Variants in DUSP13B observed in about 807,000 individuals in gnomAD.
The protein encoded by DUSP13B is dual specificity protein phosphatase 13B.
At chr10:75,100,741 G>C in the DUSP13B span, among the ~76,000 whole-genome samples, 1 of 152,228 alleles carries the variant, frequency 6.6e-6, no homozygotes, top group Non-Finnish European at 1.5e-5. Context: ...GGCTGCTCCT[G>C]TGCTGCTGCT....
At chr10:75,097,490 G>A in the DUSP13B span, among the ~76,000 whole-genome samples, 16 of 152,194 alleles carry the variant, frequency 1.1e-4, no homozygotes, top group Non-Finnish European at 2.9e-5. Flanking sequence ...GATTACAGGC[G>A]TGAGCCACCG....
the DUSP13B span, chr10:75,101,795 G>A: frequency 4.5e-6 from 4 of 880,730 alleles, no homozygotes; most frequent in Non-Finnish European, 5.1e-6. Flanking sequence ...AGGCACAAGT[G>A]TCCTGGCCCT....
the DUSP13B span, among the ~76,000 whole-genome samples, chr10:75,096,828 G>A: frequency 6.6e-6 from 1 of 152,122 alleles, no homozygotes; most frequent in Non-Finnish European, 1.5e-5. Flanking sequence ...CAATTCAAAT[G>A]TCCATATTCA....
chr10:75,095,193 A>G, the DUSP13B span, among the ~76,000 whole-genome samples: 1 of 152,096 alleles, frequency 6.6e-6, no homozygotes, highest in South Asian at 2.1e-4. Context: ...ATCAGATTAT[A>G]GGGGGTGTCC....
the DUSP13B span, chr10:75,097,640 G>A: frequency 1.4e-6 from 2 of 1,414,364 alleles, no homozygotes. Flanking sequence ...TCTGAGAGAG[G>A]CTCATGCCCC....
the DUSP13B span, among the ~76,000 whole-genome samples, chr10:75,105,208 G>A: frequency 5.3e-5 from 8 of 152,306 alleles, no homozygotes; most frequent in South Asian, 6.2e-4. Context: ...GACCTAGGGG[G>A]AAGGGGATGT....
the DUSP13B span, among the ~76,000 whole-genome samples, chr10:75,101,200 G>A: frequency 6.6e-6 from 1 of 152,190 alleles, no homozygotes; most frequent in South Asian, 2.1e-4. Flanking sequence ...GAAATCTCAG[G>A]TCTGGTACTT....
At chr10:75,103,895 T>C in the DUSP13B span, 1 of 1,307,956 alleles carries the variant, frequency 7.6e-7, no homozygotes, top group Non-Finnish European at 1.0e-6. Context: ...CACTCCCACC[T>C]GTGGAGACTG....
At chr10:75,097,712 G>A in the DUSP13B span, 75 of 1,566,020 alleles carry the variant, frequency 4.8e-5, no homozygotes, top group Admixed American at 1.1e-4. Context: ...TCTTACTCAC[G>A]CATCTCCCAG....
the DUSP13B span, chr10:75,094,502 T>C: frequency 4.8e-6 from 3 of 628,630 alleles, no homozygotes; most frequent in Admixed American, 3.0e-5. Context: ...AATCTCTGAA[T>C]TGGGTCAGGG....
chr10:75,107,063 C>T, the DUSP13B span, among the ~76,000 whole-genome samples: 16 of 152,198 alleles, frequency 1.1e-4, no homozygotes, highest in African/African-American at 3.1e-4. Flanking sequence ...GGGCCGGGTG[C>T]GGTGGCTCAT....
At chr10:75,099,508 G>T in the DUSP13B span, 9 of 1,231,842 alleles carry the variant, frequency 7.3e-6, no homozygotes, top group South Asian at 1.7e-4. Context: ...GGCTGGGCAG[G>T]TTCTGCCCAG....
At chr10:75,099,571 T>TC in the DUSP13B span, 1 of 1,229,786 alleles carries the variant, frequency 8.1e-7, no homozygotes, top group East Asian at 3.2e-5. Flanking sequence ...GGGGCGCCCA[T>TC]GGGGGGTGGG....
At chr10:75,100,058 T>C in the DUSP13B span, among the ~76,000 whole-genome samples, 1 of 151,906 alleles carries the variant, frequency 6.6e-6, no homozygotes, top group Non-Finnish European at 1.5e-5. Flanking sequence ...AGATGGGGCT[T>C]TGGGAAGTGG....
chr10:75,095,586 C>G, the DUSP13B span: 1 of 1,613,912 alleles, frequency 6.2e-7, no homozygotes, highest in Non-Finnish European at 8.5e-7. Flanking sequence ...TTGGGGAACA[C>G]TGAGGGCAGC....
chr10:75,108,233 T>G, the DUSP13B span: 1 of 1,573,736 alleles, frequency 6.4e-7, no homozygotes, highest in East Asian at 2.2e-5. Flanking sequence ...GAAGGGCACT[T>G]GATGCCGGCC....
chr10:75,096,371 G>T, the DUSP13B span, among the ~76,000 whole-genome samples: 2 of 151,994 alleles, frequency 1.3e-5, no homozygotes. Flanking sequence ...GAGCTCAGGA[G>T]TTCGAGACCA....
the DUSP13B span, chr10:75,105,691 A>G: frequency 6.5e-7 from 1 of 1,550,116 alleles, no homozygotes; most frequent in Non-Finnish European, 8.7e-7. Context: ...GGCACCCCGC[A>G]GTTGCTGGTC....
chr10:75,108,377 C>T, the DUSP13B span: 6 of 1,302,034 alleles, frequency 4.6e-6, no homozygotes, highest in African/African-American at 3.0e-5. Context: ...CCCAGAGCCC[C>T]GCACTTTCTG....
Sources: allele counts gnomAD v4.1 joint callset (sites outside exome capture counted in the v4.1 genomes callset), GRCh38; gene constraint gnomAD v4.1.1; transcripts MANE v1.5; gene names NCBI Gene and HGNC (gene_info 2026-07-23, HGNC 2026-07-21).